GSDME: variants seen among roughly 807,000 people sequenced by gnomAD.
The protein encoded by GSDME is gasdermin-E.
In GSDME, 44 loss-of-function variants were observed where a neutral mutation model predicts 47.5. That is an observed-to-expected ratio of 0.93 (90% CI 0.73 to 1.19). GSDME has a LOEUF of 1.19. GSDME is among the 50% of genes most tolerant of loss of function. The pLI, the probability that GSDME is intolerant of heterozygous loss-of-function variation, is 0.00. For synonymous variants in GSDME, 258 were observed against 252.8 expected (o/e 1.02, Z -0.20); for missense variants, 663 against 604.2 (o/e 1.10, Z -1.02).
chr7:24,713,016 C>T (rs1447497532), intron 5 of GSDME, among the ~76,000 whole-genome samples: 1 of 134,632 alleles, frequency 7.4e-6, no homozygotes, highest in African/African-American at 2.8e-5. Context: ...GAAACTCAGT[C>T]TCAAAAAAAA....
At chr7:24,763,122 C>T in the GSDME span, among the ~76,000 whole-genome samples, 3 of 152,188 alleles carry the variant, frequency 2.0e-5, no homozygotes, top group African/African-American at 7.2e-5. This position sits in a 1 kb window ranked among gnomAD's most constrained non-coding sequence, Gnocchi z 4.3. Flanking sequence ...TCTTCCACCA[C>T]AAATTCAATG....
chr7:24,698,890 T>C lies in GSDME; in HGVS notation c.*136A>G, dbSNP rs1788742287. On this transcript the variant is annotated 3_prime_UTR_variant, in exon 10 of 10. Transcript: ENST00000645220. ...TGGTGGCTAAAAGTCAGGTCATTCA[T>C]CATGCAAAATGTCACCACTTCTTAA... 1 of 739,126 alleles carries C rather than the reference T, an allele frequency of 1.4e-6. No homozygotes were observed. 45.8% of individuals were successfully genotyped at this position (739,126 alleles called of 1,614,324 possible).
chr7:24,729,622 C>A (rs886235), intron 3 of GSDME, among the ~76,000 whole-genome samples: 4 of 151,906 alleles, frequency 2.6e-5, no homozygotes, highest in East Asian at 1.9e-4. Flanking sequence ...TCCTTCATGC[C>A]TCTGTGCAGA....
At chr7:24,769,083 A>G in the GSDME span, among the ~76,000 whole-genome samples, 3 of 152,338 alleles carry the variant, frequency 2.0e-5, no homozygotes, top group East Asian at 5.8e-4. Flanking sequence ...CTCTATCCTA[A>G]CAAGTTAAAA....
chr7:24,698,918 T>C lies in GSDME; in HGVS notation c.*108A>G, dbSNP rs1331704686. 1.2e-6 allele frequency: 1 copy of C among 834,528 alleles called. No individual in the cohort carries two copies. Among genetic ancestry groups the C allele is most frequent in the Non-Finnish European group, 2.0e-6 (1 of 495,298 alleles). The allele number at this position is 834,528 out of a possible 1,614,324, so 51.7% of individuals were successfully genotyped here. A position where few individuals can be genotyped will look rare whatever the true frequency, so the allele number is the denominator to read the frequency against. ...TGCAAAATGTCACCACTTCTTAAACTGTTCTGTAAATTCATTTCATTGGTC... is the reference window on the plus strand; with the variant it reads ...TGCAAAATGTCACCACTTCTTAAACCGTTCTGTAAATTCATTTCATTGGTC... On this transcript the variant is annotated 3_prime_UTR_variant, in exon 10 of 10. Coordinates refer to ENST00000645220, the MANE Select transcript of GSDME (RefSeq NM_001127453.2).
In GSDME at chr7:24,736,019, AAACTTAC is replaced by A. The variant is rs1277445277; in HGVS notation, c.404+8536_404+8542del. On this transcript the variant is annotated intron_variant, in intron 3 of 9. Coordinates refer to ENST00000645220, the MANE Select transcript of GSDME (RefSeq NM_001127453.2). The surrounding 1 kb of genome is among the most constrained non-coding windows in gnomAD (Gnocchi z 4.6). ...AAGCCTCATGGTAACCTCAAATAAA[AAACTTAC>A]AACAGATACACAAAAAATAGAAAGC... Among the ~76,000 whole-genome samples the A allele has an allele frequency of 6.6e-6, 1 of 152,104 alleles. No homozygotes were observed. Among genetic ancestry groups the A allele is most frequent in the Non-Finnish European group, 1.5e-5 (1 of 68,016 alleles).
chr7:24,701,343 T>C (rs1239178346), intron 9 of GSDME, among the ~76,000 whole-genome samples: 3 of 152,230 alleles, frequency 2.0e-5, no homozygotes, highest in African/African-American at 7.2e-5. Flanking sequence ...CCTTCCATTC[T>C]GAACTCCGAA....
chr7:24,702,705 C>T (rs1788920309), intron 9 of GSDME, 55 bp downstream of exon 9: 2 of 1,469,794 alleles, frequency 1.4e-6, no homozygotes, highest in East Asian at 2.3e-5. Flanking sequence ...TGTCTACCCC[C>T]TCATCATTTC....
At chr7:24,749,324 A>C (rs1790777446) in intron 2 of GSDME, among the ~76,000 whole-genome samples, 1 of 152,074 alleles carries the variant, frequency 6.6e-6, no homozygotes, top group South Asian at 2.1e-4. Flanking sequence ...CAACACGGTG[A>C]AACACTGTCT....
At chr7:24,794,265 TCTCTCTCTCTCTTTC>T in the GSDME span, among the ~76,000 whole-genome samples, 2 of 146,500 alleles carry the variant, frequency 1.4e-5, no homozygotes, top group Non-Finnish European at 3.0e-5. Flanking sequence ...CCTCTTTTCT[TCTCTCTCTCTCTTTC>T]CTCTCTCTCT....
intron 5 of GSDME, among the ~76,000 whole-genome samples, chr7:24,710,881 G>A (rs910084504): frequency 2.0e-5 from 3 of 152,092 alleles, no homozygotes; most frequent in African/African-American, 7.2e-5. Flanking sequence ...ATAAAATACT[G>A]ATGTCTGCAG....
chr7:24,702,098 A>G (rs1372858306), intron 9 of GSDME, among the ~76,000 whole-genome samples: 2 of 152,224 alleles, frequency 1.3e-5, no homozygotes, highest in African/African-American at 4.8e-5. Flanking sequence ...CCCCAGGCTG[A>G]GCAACATCTG....
intron 5 of GSDME, among the ~76,000 whole-genome samples, chr7:24,713,309 T>C (rs1231953334): frequency 2.0e-5 from 3 of 152,148 alleles, no homozygotes; most frequent in African/African-American, 7.2e-5. Context: ...CCTGAGGGTC[T>C]GTAACCTGCA....
chr7:24,716,210 TAG>T lies in GSDME; in HGVS notation c.697+1042_697+1043del, dbSNP rs1467997821. Among the ~76,000 whole-genome samples, 5 of 152,130 alleles carry T rather than the reference TAG, an allele frequency of 3.3e-5. No homozygotes were observed. Among genetic ancestry groups the T allele is most frequent in the African/African-American group, 7.2e-5 (3 of 41,406 alleles). Reference sequence around the variant, plus strand: ...CAGAAAATGTCAAACTGCACAGGAATAGAGAGGAGGAGCGTGAACCAGCGTGT... The same window carrying T: ...CAGAAAATGTCAAACTGCACAGGAATAGAGGAGGAGCGTGAACCAGCGTGT... On this transcript the variant is annotated intron_variant, in intron 5 of 9. Coordinates refer to ENST00000645220, the MANE Select transcript of GSDME (RefSeq NM_001127453.2). The surrounding 1 kb of genome is among the most constrained non-coding windows in gnomAD (Gnocchi z 4.5).
chr7:24,729,439 A>C (rs1369639875), intron 3 of GSDME, among the ~76,000 whole-genome samples: 1 of 152,272 alleles, frequency 6.6e-6, no homozygotes, highest in Non-Finnish European at 1.5e-5. Context: ...CAAAGGAGGC[A>C]GGGCGTTCCA....
At chr7:24,751,723 A>G (rs933610613) in intron 1 of GSDME, among the ~76,000 whole-genome samples, 1 of 152,274 alleles carries the variant, frequency 6.6e-6, no homozygotes, top group Non-Finnish European at 1.5e-5. Flanking sequence ...ATGCATAAGA[A>G]TCTTGCATTC....
intron 2 of GSDME, among the ~76,000 whole-genome samples, chr7:24,747,670 A>AT (rs144659269): frequency 7.2e-4 from 108 of 150,416 alleles, no homozygotes; most frequent in African/African-American, 2.2e-3. Context: ...CTTATTAATC[A>AT]TTTTTTTTTT....
At position 24,716,512 on chromosome 7, in the gene GSDME, C is replaced by T. The variant is rs113786663; in HGVS notation, c.697+742G>A. ...CTCATGTCCCTAAGGAGCGGTCACA[C>T]AGCTTTCATGAGTGAACACAACCTC... On this transcript the variant is annotated intron_variant, in intron 5 of 9. Coordinates refer to ENST00000645220, the MANE Select transcript of GSDME (RefSeq NM_001127453.2). This position sits in a 1 kb window ranked among gnomAD's most constrained non-coding sequence, Gnocchi z 4.5. 2 of 152,780 alleles carry T rather than the reference C, an allele frequency of 1.3e-5. No homozygotes were observed. Among genetic ancestry groups the T allele is most frequent in the East Asian group, 1.9e-4 (1 of 5,196 alleles). 9.5% of individuals were successfully genotyped at this position (152,780 alleles called of 1,614,324 possible). A position where few individuals can be genotyped will look rare whatever the true frequency, so the allele number is the denominator to read the frequency against.
In GSDME at chr7:24,716,134, A is replaced by G. The variant is rs1180965005; in HGVS notation, c.697+1120T>C. 6.6e-6 allele frequency among the ~76,000 whole-genome samples: 1 copy of G among 152,232 alleles called. No homozygotes were observed. Among genetic ancestry groups the G allele is most frequent in the Non-Finnish European group, 1.5e-5 (1 of 68,032 alleles). ...CACAAATGGGGGAGAAGCAGGAGGCAGCAGCAGGCATGTGCGTGGTCTATC... is the reference window on the plus strand; with the variant it reads ...CACAAATGGGGGAGAAGCAGGAGGCGGCAGCAGGCATGTGCGTGGTCTATC... On this transcript the variant is annotated intron_variant, in intron 5 of 9. Coordinates refer to ENST00000645220, the MANE Select transcript of GSDME (RefSeq NM_001127453.2). This position sits in a 1 kb window ranked among gnomAD's most constrained non-coding sequence, Gnocchi z 4.5.
Sources: allele counts gnomAD v4.1 joint callset (sites outside exome capture counted in the v4.1 genomes callset), GRCh38; gene constraint gnomAD v4.1.1; non-coding constraint Gnocchi (gnomAD v3.1); transcripts MANE v1.5; gene names NCBI Gene and HGNC (gene_info 2026-07-23, HGNC 2026-07-21).